Variants in GLIS3 observed in about 807,000 individuals in gnomAD.
GLIS3 encodes the protein GLIS family zinc finger 3, also known as zinc finger protein GLIS3.
A neutral mutation model predicts 78.6 loss-of-function variants in GLIS3; 53 were observed. The ratio of observed to expected loss-of-function variants is 0.67; its 90% CI spans 0.54 to 0.85. GLIS3 has a LOEUF of 0.85. Ranked by LOEUF, GLIS3 falls within the 40% of genes least tolerant of loss-of-function variation. The pLI, the probability that GLIS3 is intolerant of heterozygous loss-of-function variation, is 0.00. For missense variants in GLIS3, 1,703 were observed against 1,231.1 expected (o/e 1.38, Z -5.74); for synonymous variants, 684 against 509.9 (o/e 1.34, Z -4.60).
intron 4 of GLIS3, among the ~76,000 whole-genome samples, chr9:3,960,105 C>T (rs1817449567): frequency 6.6e-6 from 1 of 152,180 alleles, no homozygotes; most frequent in Admixed American, 6.5e-5. Context: ...CCACTGCACT[C>T]TAGCCTGGGC....
intron 4 of GLIS3, among the ~76,000 whole-genome samples, chr9:4,055,185 T>C (rs559380280): frequency 6.6e-6 from 1 of 152,302 alleles, no homozygotes; most frequent in Non-Finnish European, 1.5e-5. Context: ...TCTCAGCATA[T>C]GGAGTTGTCA....
At chr9:4,186,881 G>A (rs1019886406) in intron 2 of GLIS3, among the ~76,000 whole-genome samples, 1 of 152,112 alleles carries the variant, frequency 6.6e-6, no homozygotes, top group Non-Finnish European at 1.5e-5. Flanking sequence ...GTTCATTGTA[G>A]ATTCTGGATA....
intron 4 of GLIS3, among the ~76,000 whole-genome samples, chr9:3,948,046 A>T (rs1242483572): frequency 6.6e-6 from 1 of 152,238 alleles, no homozygotes; most frequent in Non-Finnish European, 1.5e-5. Context: ...GGGTGATCTC[A>T]GAGTGATGCC....
the GLIS3 span, among the ~76,000 whole-genome samples, chr9:4,488,206 C>A: frequency 6.6e-6 from 1 of 152,086 alleles, no homozygotes; most frequent in Admixed American, 6.6e-5. Context: ...CCTACCATCT[C>A]GGCTTCCCAA....
Position 4,320,833 on chromosome 9 carries a change from C to A in GLIS3, n.265-10305G>T, listed in dbSNP as rs574288516. ...TTATGTCTTAAGAAGGCTTCCTAAG[C>A]GGTCCATCCATATTCATTCTGGTCT... is the stretch of plus-strand genomic sequence containing the variant. On this transcript the variant is annotated intron_variant and non_coding_transcript_variant, in intron 2 of 4. Coordinates refer to the GLIS3 transcript ENST00000471664. Among the ~76,000 whole-genome samples the A allele has an allele frequency of 3.9e-5, 6 of 152,296 alleles. No homozygotes were observed. In the South Asian group the frequency reaches 1.2e-3, roughly 32 times the overall value.
chr9:4,337,087 A>G (rs1156342899), intron 2 of GLIS3, among the ~76,000 whole-genome samples: 10 of 152,378 alleles, frequency 6.6e-5, no homozygotes, highest in Non-Finnish European at 1.5e-4. Context: ...AAATACTCAG[A>G]GTTGGTAGTG....
At position 4,344,018 on chromosome 9, in the gene GLIS3, G is replaced by A. The variant is rs570446019; in HGVS notation, n.264+3063C>T. ...AAACTGTACACAAAACTCCAGCAAC[G>A]TACAATTGACTCATATAACAAACCT... On this transcript the variant is annotated intron_variant and non_coding_transcript_variant, in intron 2 of 4. Transcript: ENST00000471664. Among the ~76,000 whole-genome samples the A allele has an allele frequency of 1.7e-4, 26 of 152,168 alleles. 1 individual carries two copies. The South Asian group carries it at 4.8e-3, about 28-fold the overall frequency.
chr9:3,876,276 A>G (rs1189175142), intron 8 of GLIS3, among the ~76,000 whole-genome samples: 1 of 151,388 alleles, frequency 6.6e-6, no homozygotes, highest in Non-Finnish European at 1.5e-5. Context: ...AATAATAACA[A>G]TAAAAAGCTG....
At chr9:3,863,830 A>AT (rs535665922) in intron 8 of GLIS3, among the ~76,000 whole-genome samples, 236 of 151,696 alleles carry the variant, frequency 1.6e-3, no homozygotes, top group Middle Eastern at 3.4e-3. Context: ...GAGAAGTGTT[A>AT]TTTTTTTTTC....
At chr9:4,155,477 T>G (rs1168301720) in intron 2 of GLIS3, among the ~76,000 whole-genome samples, 1 of 152,194 alleles carries the variant, frequency 6.6e-6, no homozygotes, top group Non-Finnish European at 1.5e-5. Flanking sequence ...CTTACCCTTT[T>G]CAATATTTAG....
intron 2 of GLIS3, among the ~76,000 whole-genome samples, chr9:4,172,274 C>G (rs1224872252): frequency 6.6e-6 from 1 of 152,120 alleles, no homozygotes; most frequent in Non-Finnish European, 1.5e-5. Context: ...AGCTCCAGTC[C>G]TCAATATGTG....
intron 2 of GLIS3, among the ~76,000 whole-genome samples, chr9:4,144,222 T>C (rs1408141464): frequency 1.3e-5 from 2 of 152,146 alleles, no homozygotes; most frequent in African/African-American, 2.4e-5. Context: ...GAGGAAAGAA[T>C]AGAGTCCGAA....
At chr9:4,240,974 CGT>C (rs1823253655) in intron 2 of GLIS3, among the ~76,000 whole-genome samples, 1 of 146,294 alleles carries the variant, frequency 6.8e-6, no homozygotes, top group African/African-American at 2.5e-5. Flanking sequence ...TGTGTGTGTA[CGT>C]GTGTACATAT....
At chr9:4,009,252 G>C (rs1403769208) in intron 4 of GLIS3, among the ~76,000 whole-genome samples, 1 of 152,170 alleles carries the variant, frequency 6.6e-6, no homozygotes, top group African/African-American at 2.4e-5. Context: ...CCCTCGCACA[G>C]CCCGTGTGCA....
Position 4,032,108 on chromosome 9 carries a change from G to C in GLIS3, c.1710+85660C>G, listed in dbSNP as rs146737539. Among the ~76,000 whole-genome samples, 195 of 152,276 alleles carry C rather than the reference G, an allele frequency of 1.3e-3. 1 individual carries two copies. In the East Asian group the frequency reaches 0.018, roughly 14 times the overall value. ...CTGCAGAGCAAGGGACACCAAGTGA[G>C]ACCCACCGTCAGGCAGATCTAAGTG... On this transcript the variant is annotated intron_variant, in intron 4 of 10. Coordinates refer to ENST00000381971, the MANE Select transcript of GLIS3 (RefSeq NM_001042413.2).
At chr9:3,871,093 T>C (rs552446714) in intron 8 of GLIS3, among the ~76,000 whole-genome samples, 1 of 152,212 alleles carries the variant, frequency 6.6e-6, no homozygotes, top group Non-Finnish European at 1.5e-5. Context: ...CAAAATCCAG[T>C]TGGGCAGTCA....
the GLIS3 span, among the ~76,000 whole-genome samples, chr9:4,396,678 G>A: frequency 6.6e-6 from 1 of 152,150 alleles, no homozygotes; most frequent in South Asian, 2.1e-4. Context: ...TTGATGAGAG[G>A]TAAGTAGCCC....
chr9:4,100,457 C>G (rs920620274), intron 4 of GLIS3, among the ~76,000 whole-genome samples: 1 of 152,224 alleles, frequency 6.6e-6, no homozygotes. Context: ...AAAAAGCTCA[C>G]TTCCGATACA....
intron 4 of GLIS3, chr9:4,035,765 A>G (rs1824247148): frequency 6.6e-6 from 1 of 152,244 alleles, no homozygotes; most frequent in African/African-American, 2.4e-5. Flanking sequence ...GCCTTCCACC[A>G]CATCGGTCTT....
Sources: gnomAD v4.1 joint callset for allele counts (sites outside exome capture counted in the v4.1 genomes callset) on GRCh38, gnomAD v4.1.1 for gene constraint, MANE v1.5 for transcripts, NCBI Gene and HGNC (gene_info 2026-07-23, HGNC 2026-07-21) for gene names.